The following PCSK6 variants were observed in gnomAD, a reference collection of about 807,000 sequenced individuals.
The protein encoded by PCSK6 is paired basic amino acid cleaving enzyme 4.
PCSK6 carries 85 observed loss-of-function variants against 123.3 expected under a neutral mutation model. The ratio of observed to expected loss-of-function variants is 0.69; its 90% CI spans 0.58 to 0.83. PCSK6 has a LOEUF of 0.83. PCSK6 is among the 40% of genes least tolerant of loss of function. The pLI, the probability that PCSK6 is intolerant of heterozygous loss-of-function variation, is 0.00. For missense variants in PCSK6, 1,191 were observed against 1,282.3 expected (o/e 0.93, Z 1.09); for synonymous variants, 508 against 516.0 (o/e 0.98, Z 0.21).
At chr15:101,454,866 A>T (rs554438258) in intron 1 of PCSK6, among the ~76,000 whole-genome samples, 1 of 152,160 alleles carries the variant, frequency 6.6e-6, no homozygotes, top group Non-Finnish European at 1.5e-5. Context: ...AATCGCTTGA[A>T]CCCAGGAGGC....
rs199785232 is a variant in PCSK6, at chr15:101,331,982, C to T, written c.1908G>A (p.Pro636=). Residue 636 remains proline, a synonymous_variant, in exon 14 of 22, where the codon CCG becomes CCA. Transcript: ENST00000611716. ...SLILYGTAEH[P]YHTFSAHQSR... Reference sequence around the variant, plus strand: ...ACTGATGGGCACTGAAGGTGTGGTACGGGTGCTCTGCTGTGCCATACAGTA... The same window carrying T: ...ACTGATGGGCACTGAAGGTGTGGTATGGGTGCTCTGCTGTGCCATACAGTA... 5.3e-5 allele frequency: 86 copies of T among 1,613,486 alleles called. No homozygotes were observed. The highest frequency in any genetic ancestry group is 8.3e-5 in the Admixed American group (5 of 59,930).
At chr15:101,317,014 C>A (rs1361669098) in intron 19 of PCSK6, among the ~76,000 whole-genome samples, 4 of 150,616 alleles carry the variant, frequency 2.7e-5, no homozygotes, top group African/African-American at 9.9e-5. Flanking sequence ...CGGTTTCAAG[C>A]AATTTTCATG....
At chr15:101,350,670 G>A (rs777159017) in intron 13 of PCSK6, among the ~76,000 whole-genome samples, 1 of 152,224 alleles carries the variant, frequency 6.6e-6, no homozygotes, top group Non-Finnish European at 1.5e-5. Context: ...TGGTTGCGAC[G>A]TATATTCCTG....
At chr15:101,428,911 T>C (rs1053614177) in intron 5 of PCSK6, among the ~76,000 whole-genome samples, 13 of 152,178 alleles carry the variant, frequency 8.5e-5, no homozygotes, top group African/African-American at 2.7e-4. Context: ...ATGTGGGTCA[T>C]TCCTCCTTTG....
Position 101,326,403 on chromosome 15 carries a change from G to T in PCSK6, c.2154C>A (p.Phe718Leu). The T allele has an allele frequency of 6.3e-7, 1 of 1,580,156 alleles. No homozygotes were observed. Among genetic ancestry groups the T allele is most frequent in the Admixed American group, 1.8e-5 (1 of 55,272 alleles). The change falls in exon 16 of 22, where the codon TTC (phenylalanine) becomes TTA (leucine). Residue 718 changes from phenylalanine (F) to leucine (L), a missense_variant. Physicochemically the swap from Phe to Leu is conservative, Grantham distance 22 (BLOSUM62 0). This residue lies in a region of PCSK6 where 630 missense variants were observed against 631.4 expected (regional missense o/e 1.00). Transcript: ENST00000611716. ...TGCTGGTCTTGACACTCCCCAGGCT[G>T]AAGTGGACGCAGTTCAAGCACTGGT... is the stretch of plus-strand genomic sequence containing the variant. Reference protein sequence around the residue: ...NADQCLNCVHFSLGSVKTSRK... With the variant: ...NADQCLNCVHLSLGSVKTSRK...
chr15:101,378,190 T>A (rs1050131838), intron 11 of PCSK6, among the ~76,000 whole-genome samples: 1 of 152,268 alleles, frequency 6.6e-6, no homozygotes, highest in African/African-American at 2.4e-5. Context: ...TTCTATTTAA[T>A]ACACACAGAT....
intron 15 of PCSK6, among the ~76,000 whole-genome samples, chr15:101,328,932 G>T (rs2040317127): frequency 6.6e-6 from 1 of 152,236 alleles, no homozygotes; most frequent in Admixed American, 6.5e-5. Context: ...CACCGCCTGA[G>T]CGTGTTCTGG....
chr15:101,446,281 G>A (rs978926505), intron 1 of PCSK6, among the ~76,000 whole-genome samples: 17 of 152,262 alleles, frequency 1.1e-4, no homozygotes, highest in African/African-American at 3.6e-4. Context: ...ATGTCATTCA[G>A]CATAATGTGC....
intron 7 of PCSK6, among the ~76,000 whole-genome samples, chr15:101,397,037 G>A (rs1315921998): frequency 6.6e-6 from 1 of 152,124 alleles, no homozygotes; most frequent in Non-Finnish European, 1.5e-5. Context: ...CAAGTCCTTC[G>A]GAGGAGGTGC....
intron 1 of PCSK6, among the ~76,000 whole-genome samples, chr15:101,484,793 G>C (rs575193238): frequency 7.9e-5 from 12 of 152,134 alleles, no homozygotes; most frequent in Admixed American, 5.9e-4. Context: ...TATCTGTGTA[G>C]ATATAGATCT....
chr15:101,482,667 C>T (rs960914593), intron 1 of PCSK6, among the ~76,000 whole-genome samples: 7 of 152,200 alleles, frequency 4.6e-5, no homozygotes, highest in African/African-American at 1.7e-4. Flanking sequence ...GGCGGTGTCC[C>T]AGCCTCCCCC....
intron 13 of PCSK6, among the ~76,000 whole-genome samples, chr15:101,338,088 C>G (rs1887388050): frequency 6.6e-6 from 1 of 152,152 alleles, no homozygotes; most frequent in South Asian, 2.1e-4. Flanking sequence ...GCCACATGAT[C>G]CCGCCACAGT....
chr15:101,406,461 C>T (rs2042785120), intron 6 of PCSK6, among the ~76,000 whole-genome samples: 1 of 152,148 alleles, frequency 6.6e-6, no homozygotes, highest in African/African-American at 2.4e-5. Context: ...CTCATTAGCC[C>T]TGGGTTTATT....
At chr15:101,325,724 T>C (rs2040237837) in intron 16 of PCSK6, among the ~76,000 whole-genome samples, 2 of 152,190 alleles carry the variant, frequency 1.3e-5, no homozygotes, top group Admixed American at 6.5e-5. Flanking sequence ...AAAGTGGTGA[T>C]GCCAGGAGCT....
chr15:101,353,956 T>C (rs572842494), intron 13 of PCSK6, among the ~76,000 whole-genome samples: 1 of 152,232 alleles, frequency 6.6e-6, no homozygotes, highest in Non-Finnish European at 1.5e-5. Context: ...TTCATGCTGG[T>C]AAGGCTCAGC....
At chr15:101,329,968 G>A (rs182368281) in intron 15 of PCSK6, among the ~76,000 whole-genome samples, 17 of 152,312 alleles carry the variant, frequency 1.1e-4, no homozygotes, top group East Asian at 5.8e-4. Flanking sequence ...ACCCCCAGGC[G>A]TCCCACACCT....
In PCSK6 at chr15:101,370,491, G is replaced by A. The variant is rs372628533; in HGVS notation, c.1565C>T (p.Thr522Met). ...SIPLVQVLRT[T>M]ALTSACAEHS... ...CTCCGCGCAGGCGCTGGTCAGGGCC[G>A]TAGTCCGCAGCACCTGCACTAAGGG... is the stretch of plus-strand genomic sequence containing the variant. The change falls in exon 12 of 22, where the codon ACG (threonine) becomes ATG (methionine). Residue 522 changes from threonine to methionine, a missense_variant. Physicochemically the swap from Thr to Met is moderately conservative, Grantham distance 81. Transcript: ENST00000611716. The A allele has an allele frequency of 2.1e-4, 316 of 1,535,056 alleles. No homozygotes were observed. Among genetic ancestry groups the A allele is most frequent in the Middle Eastern group, 3.4e-4 (2 of 5,828 alleles).
intron 13 of PCSK6, among the ~76,000 whole-genome samples, chr15:101,352,137 ATTTTTTTTTTTTTTTTT>A (rs56844456): frequency 2.1e-5 from 2 of 97,016 alleles, no homozygotes; most frequent in African/African-American, 8.7e-5. Flanking sequence ...TATTTTTCTA[ATTTTTTTTTTTTTTTTT>A]TTTTTTTTTT....
intron 2 of PCSK6, among the ~76,000 whole-genome samples, chr15:101,439,225 G>A (rs1343676021): frequency 6.6e-6 from 1 of 152,250 alleles, no homozygotes; most frequent in Non-Finnish European, 1.5e-5. Flanking sequence ...GAATGCGGAT[G>A]AGCGCTTCCC....
Sources: allele counts gnomAD v4.1 joint callset (sites outside exome capture counted in the v4.1 genomes callset), GRCh38; gene constraint gnomAD v4.1.1; regional missense constraint gnomAD v4.1.1; transcripts MANE v1.5; gene names NCBI Gene and HGNC (gene_info 2026-07-23, HGNC 2026-07-21).